Variants in NOTCH2 observed in about 807,000 individuals in gnomAD.
NOTCH2 encodes notch receptor 2.
Under a neutral mutation model 235.8 loss-of-function variants are expected in NOTCH2, and 29 were observed. The observed-to-expected ratio is 0.12, with a 90% CI of 0.09 to 0.17. The LOEUF (loss-of-function observed/expected upper bound fraction) is 0.17, where lower values mean the gene tolerates loss of function less well. Among genes scored for constraint, NOTCH2 ranks in the 10% least tolerant of loss-of-function variants. The pLI is 1.00. For synonymous variants in NOTCH2, 1,086 were observed against 1,141.5 expected, an observed-to-expected ratio of 0.95 and a Z score of 0.98; for missense variants, 2,285 against 3,150.2, an observed-to-expected ratio of 0.73 and a Z score of 6.57.
In NOTCH2 at chr1:119,925,236, A is replaced by G. The variant is rs1002857664; in HGVS notation, c.4511+69T>C. On this transcript the variant is annotated intron_variant, in intron 25 of 33. Coordinates refer to ENST00000256646, the MANE Select transcript of NOTCH2 (RefSeq NM_024408.4). ...AGGCTGAAGCACTGGAGTGGTTAGG[A>G]GCAAGAACGAGAAACTGAAGTGTGT... 3.1e-6 allele frequency: 5 copies of G among 1,599,450 alleles called. No homozygotes were observed. The African/African-American group carries it at 4.0e-5, about 13-fold the overall frequency.
chr1:119,972,467 T>C (rs1553200486), intron 5 of NOTCH2, among the ~76,000 whole-genome samples: 2 of 152,208 alleles, frequency 1.3e-5, no homozygotes, highest in Non-Finnish European at 2.9e-5. Context: ...GTGAACAATT[T>C]AGATGTCATT....
chr1:119,917,217 CAAA>C (rs1649112675), intron 33 of NOTCH2, among the ~76,000 whole-genome samples: 1 of 150,632 alleles, frequency 6.6e-6, no homozygotes, highest in Admixed American at 6.6e-5. Flanking sequence ...ATAAGGAAAA[CAAA>C]GAAAACTGAG....
rs202199981 is a variant in NOTCH2 at position 119,997,203 on chromosome 1, T to A, written c.545A>T (p.Asp182Val). The change falls in exon 4 of 34, where the codon GAT becomes GTT. Residue 182 changes from aspartate to valine, a missense_variant. Coordinates refer to ENST00000256646, the MANE Select transcript of NOTCH2 (RefSeq NM_024408.4). ...TCCTGGAATGTCACACTCATTGACA[T>A]CAGTCTCACATTTCTGCCCTGTGAA... is the stretch of plus-strand genomic sequence containing the variant. The part of the protein sequence containing the change: ...TGFTGQKCET[D>V]VNECDIPGHC... 1.8e-5 allele frequency: 29 copies of A among 1,613,886 alleles called. No individual in the cohort carries two copies. In the African/African-American group the frequency reaches 3.6e-4, roughly 20 times the overall value.
chr1:120,002,485 A>T (rs1360473756), intron 3 of NOTCH2, among the ~76,000 whole-genome samples: 2 of 152,008 alleles, frequency 1.3e-5, no homozygotes, highest in African/African-American at 2.4e-5. Context: ...CGGAACTACA[A>T]ATGGTCCCAC....
intron 2 of NOTCH2, among the ~76,000 whole-genome samples, chr1:120,012,253 T>C (rs1239072063): frequency 6.3e-4 from 88 of 140,702 alleles, no homozygotes; most frequent in African/African-American, 2.3e-3. Flanking sequence ...CTGGACACTA[T>C]GCTTTTACTA....
chr1:119,917,797 T>G (rs771285098), intron 32 of NOTCH2, 35 bp from the exon 33 acceptor site: 12 of 1,231,106 alleles, frequency 9.7e-6, no homozygotes, highest in Admixed American at 8.4e-5. Flanking sequence ...AACAGACATA[T>G]CCTACTCTTA....
chr1:119,938,596 G>A (rs1247228682), intron 19 of NOTCH2, among the ~76,000 whole-genome samples: 1 of 152,006 alleles, frequency 6.6e-6, no homozygotes, highest in Non-Finnish European at 1.5e-5. Flanking sequence ...CTTGCTGGGT[G>A]GTTTTGTACC....
At chr1:119,945,467 A>G (rs1553196942) in intron 17 of NOTCH2, among the ~76,000 whole-genome samples, 1 of 152,130 alleles carries the variant, frequency 6.6e-6, no homozygotes, top group Non-Finnish European at 1.5e-5. Flanking sequence ...ACAAGACCCA[A>G]TATACGCTCT....
intron 2 of NOTCH2, among the ~76,000 whole-genome samples, chr1:120,014,316 G>A (rs1162973780): frequency 6.6e-6 from 1 of 152,172 alleles, no homozygotes; most frequent in Non-Finnish European, 1.5e-5. Flanking sequence ...TGTAATCCCA[G>A]CACTGTGGGA....
chr1:119,942,142 C>T (rs2101106521), intron 17 of NOTCH2, among the ~76,000 whole-genome samples: 1 of 152,204 alleles, frequency 6.6e-6, no homozygotes, highest in Non-Finnish European at 1.5e-5. Flanking sequence ...CATGTTTTTC[C>T]AGGCATATTA....
chr1:119,999,219 G>A (rs1437190097), intron 3 of NOTCH2, among the ~76,000 whole-genome samples: 3 of 149,238 alleles, frequency 2.0e-5, no homozygotes, highest in Admixed American at 1.3e-4. Context: ...ACGGGATGGC[G>A]AGAACTCCTT....
intron 5 of NOTCH2, among the ~76,000 whole-genome samples, chr1:119,980,537 T>A (rs1396699251): frequency 6.6e-6 from 1 of 152,222 alleles, no homozygotes; most frequent in Non-Finnish European, 1.5e-5. Flanking sequence ...AGCCTACTTT[T>A]TCCTTTAACT....
intron 3 of NOTCH2, among the ~76,000 whole-genome samples, chr1:120,002,559 T>C (rs1652805373): frequency 6.9e-6 from 1 of 145,518 alleles, no homozygotes; most frequent in African/African-American, 2.6e-5. Flanking sequence ...GCTGAGGTGT[T>C]TGCTGAAGGC....
intron 5 of NOTCH2, among the ~76,000 whole-genome samples, chr1:119,970,230 G>A (rs587599478): frequency 6.6e-6 from 1 of 152,262 alleles, no homozygotes; most frequent in South Asian, 2.1e-4. Context: ...TTACCACTGG[G>A]AGACCCTTGA....
At chr1:119,936,583 G>T (rs1357751446) in intron 21 of NOTCH2, among the ~76,000 whole-genome samples, 2 of 152,196 alleles carry the variant, frequency 1.3e-5, no homozygotes, top group African/African-American at 4.8e-5. Flanking sequence ...GCCCCAGCCT[G>T]CTGTGAAGAA....
At chr1:119,978,907 G>A (rs1279520998) in intron 5 of NOTCH2, among the ~76,000 whole-genome samples, 1 of 152,146 alleles carries the variant, frequency 6.6e-6, no homozygotes. Context: ...AAACAACATG[G>A]CACCTATTAA....
Position 119,914,411 on chromosome 1 carries a change from G to A in NOTCH2, c.*895C>T. 1 of 233,020 alleles carries A rather than the reference G, an allele frequency of 4.3e-6. No individual in the cohort carries two copies. Among genetic ancestry groups the A allele is most frequent in the East Asian group, 6.0e-5 (1 of 16,572 alleles). 14.4% of individuals were successfully genotyped at this position (233,020 alleles called of 1,614,324 possible). ...GGGTCATAGTAACTAGACTATCAAG[G>A]ATAAAACTTTACACTGACCAGGCCC... is the stretch of plus-strand genomic sequence containing the variant. On this transcript the variant is annotated 3_prime_UTR_variant, in exon 34 of 34. Coordinates refer to ENST00000256646, the MANE Select transcript of NOTCH2 (RefSeq NM_024408.4).
chr1:119,925,913 C>T, intron 24 of NOTCH2, 103 bp from the exon 25 acceptor site: 1 of 1,357,296 alleles, frequency 7.4e-7, no homozygotes, highest in Non-Finnish European at 1.0e-6. Flanking sequence ...CCCTTCTGTA[C>T]TTCCCGTTCA....
At chr1:119,958,956 G>T (rs1650830112) in intron 12 of NOTCH2, among the ~76,000 whole-genome samples, 1 of 152,144 alleles carries the variant, frequency 6.6e-6, no homozygotes, top group Non-Finnish European at 1.5e-5. Context: ...CCAGAAATAA[G>T]CATTCAGTAT....
Sources: gnomAD v4.1 joint callset for allele counts (sites outside exome capture counted in the v4.1 genomes callset) on GRCh38, gnomAD v4.1.1 for gene constraint, MANE v1.5 for transcripts, NCBI Gene and HGNC (gene_info 2026-07-23, HGNC 2026-07-21) for gene names.